The following LONRF2 variants were observed in gnomAD, a reference collection of about 807,000 sequenced individuals.
LONRF2 encodes the protein LON peptidase N-terminal domain and RING finger protein 2.
In LONRF2, 35 loss-of-function variants were observed where a neutral mutation model predicts 66.6. The observed-to-expected ratio is 0.53, with a 90% CI of 0.40 to 0.70. The LOEUF is 0.70. Ranked by LOEUF, LONRF2 falls within the 30% of genes least tolerant of loss-of-function variation. The pLI is 0.00. For missense variants in LONRF2, 902 were observed against 1,002.1 expected (o/e 0.90, Z 1.35); for synonymous variants, 417 against 418.1 (o/e 1.00, Z 0.03).
chr2:100,299,073 T>G, intron 6 of LONRF2, 123 bp from the exon 7 acceptor site: 1 of 873,242 alleles, frequency 1.1e-6, no homozygotes, highest in South Asian at 1.7e-5. Context: ...GCATGCACTT[T>G]CATTTTATAT....
chr2:100,311,263 T>C (rs569861233), intron 1 of LONRF2, among the ~76,000 whole-genome samples: 1 of 152,202 alleles, frequency 6.6e-6, no homozygotes, highest in African/African-American at 2.4e-5. Context: ...AATTCTCCTT[T>C]GGAGATTTCC....
chr2:100,289,323 G>A (rs868077268), intron 10 of LONRF2, among the ~76,000 whole-genome samples: 2 of 152,034 alleles, frequency 1.3e-5, no homozygotes, highest in Non-Finnish European at 2.9e-5. Context: ...TTATTAGCCG[G>A]CCCTTTACAG....
At position 100,308,313 on chromosome 2, in the gene LONRF2, C is replaced by T. The variant is rs188052844; in HGVS notation, c.798+794G>A. On this transcript the variant is annotated intron_variant, in intron 2 of 11. Transcript: ENST00000393437. ...TAGCCTAGGGGACAGAGAGACACTC[C>T]GTCTCAAAAAATAAAATAAAAAAAT... Among the ~76,000 whole-genome samples the T allele has an allele frequency of 3.0e-3, 457 of 151,868 alleles. 2 individuals are homozygous for T. Among genetic ancestry groups the T allele is most frequent in the African/African-American group, 0.011 (437 of 41,412 alleles).
At position 100,321,541 on chromosome 2, in the gene LONRF2, C is replaced by A. The variant is rs561134585; in HGVS notation, c.553G>T (p.Gly185Cys). 39 of 1,550,050 alleles carry A rather than the reference C, an allele frequency of 2.5e-5. No individual in the cohort carries two copies. In the African/African-American group the frequency reaches 5.4e-4, roughly 21 times the overall value. Residue 185 changes from glycine (G) to cysteine (C), a missense_variant, in exon 1 of 12, where the codon GGC (glycine) becomes TGC (cysteine). Transcript: ENST00000393437. ...GCCGGGAAGCACTTCTCCAGCAGGC[C>A]GCTCAGCACCACGTTCACGCGCCGC... ...QVRRVNVVLS[G>C]LLEKCFPAEC...
Position 100,282,660 on chromosome 2 carries a change from G to A in LONRF2, c.*1638C>T, listed in dbSNP as rs1674762794. On this transcript the variant is annotated 3_prime_UTR_variant, in exon 12 of 12. Transcript: ENST00000393437. Reference sequence around the variant, plus strand: ...CTCTTAGAAATCACTTGGCCAAACTGCCATTAAACCATCTCAAGATGATAT... The same window carrying A: ...CTCTTAGAAATCACTTGGCCAAACTACCATTAAACCATCTCAAGATGATAT... The A allele has an allele frequency of 6.6e-6, 1 of 152,166 alleles. No homozygotes were observed. Among genetic ancestry groups the A allele is most frequent in the Non-Finnish European group, 1.5e-5 (1 of 68,030 alleles). 9.4% of individuals were successfully genotyped at this position (152,166 alleles called of 1,614,324 possible).
At chr2:100,306,245 G>T (rs928438376) in intron 2 of LONRF2, among the ~76,000 whole-genome samples, 3 of 150,146 alleles carry the variant, frequency 2.0e-5, no homozygotes, top group African/African-American at 7.4e-5. Flanking sequence ...ATACAAAGTT[G>T]CTAGGGCCCC....
In LONRF2 at chr2:100,284,411, C is replaced by G; in HGVS notation, c.2152G>C (p.Gly718Arg). 2 of 1,605,762 alleles carry G rather than the reference C, an allele frequency of 1.2e-6. No homozygotes were observed. Among genetic ancestry groups the G allele is most frequent in the South Asian group, 1.1e-5 (1 of 88,878 alleles). ...LERKAQLAIL[G>R]MTSLKERLLA... is the part of the protein sequence containing the mutation. ...AGCCGCTCTTTGAGCGAGGTCATGC[C>G]GAGGATGGCCAGCTGAGCCTTGCGC... is the stretch of plus-strand genomic sequence containing the variant. Residue 718 changes from glycine to arginine, a missense_variant, in exon 12 of 12, where the codon GGC (glycine) becomes CGC (arginine). Physicochemically the swap from Gly to Arg is moderately radical, Grantham distance 125. Coordinates refer to ENST00000393437, the MANE Select transcript of LONRF2 (RefSeq NM_198461.4).
intron 8 of LONRF2, among the ~76,000 whole-genome samples, chr2:100,294,855 T>G (rs2105720879): frequency 1.3e-5 from 2 of 152,296 alleles, no homozygotes; most frequent in African/African-American, 4.8e-5. Context: ...AAACTGTGCT[T>G]CACTTTACTC....
rs1276421270 is a variant in LONRF2, at chr2:100,321,772, G to A, written c.322C>T (p.Leu108=). The A allele has an allele frequency of 1.9e-6, 2 of 1,040,872 alleles. No individual in the cohort carries two copies. The highest frequency in any genetic ancestry group is 1.7e-5 in the African/African-American group (1 of 57,952). The allele number at this position is 1,040,872 out of a possible 1,614,324, so 64.5% of individuals were successfully genotyped here. Reference sequence around the variant, plus strand: ...TCCGCGGACAGCGGCCGGTCGCGCAGGCCCACGGCGCGCACCAGGCCGCCC... The same window carrying A: ...TCCGCGGACAGCGGCCGGTCGCGCAAGCCCACGGCGCGCACCAGGCCGCCC... The part of the protein sequence containing the change: ...LAGGLVRAVG[L]RDRPLSAENP... The change falls in exon 1 of 12, where the codon CTG becomes TTG. Residue 108 remains leucine, a synonymous_variant. Transcript: ENST00000393437.
intron 6 of LONRF2, 38 bp downstream of exon 6, chr2:100,299,188 A>G (rs775023228): frequency 1.4e-5 from 20 of 1,431,294 alleles, no homozygotes; most frequent in Non-Finnish European, 1.8e-5. Context: ...GAAAGGCTGC[A>G]GTTTTAAAAG....
Position 100,284,237 on chromosome 2 carries a change from C to T in LONRF2, c.*61G>A. 2.2e-6 allele frequency: 3 copies of T among 1,393,634 alleles called. No individual in the cohort carries two copies. Among genetic ancestry groups the T allele is most frequent in the Non-Finnish European group, 9.5e-7 (1 of 1,052,712 alleles). 86.3% of individuals were successfully genotyped at this position (1,393,634 alleles called of 1,614,324 possible). ...GAAGCACAATGAATGGACGGCTATTCGTCCATGCCTGACATTTATAAAAGC... is the reference window on the plus strand; with the variant it reads ...GAAGCACAATGAATGGACGGCTATTTGTCCATGCCTGACATTTATAAAAGC... On this transcript the variant is annotated 3_prime_UTR_variant, in exon 12 of 12. Transcript: ENST00000393437.
At chr2:100,319,464 C>T (rs1675578560) in intron 1 of LONRF2, among the ~76,000 whole-genome samples, 1 of 152,178 alleles carries the variant, frequency 6.6e-6, no homozygotes, top group Admixed American at 6.5e-5. Context: ...CAGAACATCA[C>T]CACTACCCCA....
chr2:100,285,543 A>C (rs1441882043), intron 11 of LONRF2, among the ~76,000 whole-genome samples: 1 of 152,106 alleles, frequency 6.6e-6, no homozygotes, highest in Non-Finnish European at 1.5e-5. Context: ...TGGCAGAGGG[A>C]ATTGGAGGAT....
At chr2:100,290,470 C>A (rs749368554) in intron 9 of LONRF2, 50 bp from the exon 10 acceptor site, 56 of 1,540,610 alleles carry the variant, frequency 3.6e-5, no homozygotes, top group Non-Finnish European at 4.7e-5. Flanking sequence ...ATGCAGGGGG[C>A]CTTCTTTTTC....
At position 100,282,574 on chromosome 2, in the gene LONRF2, G is replaced by A. The variant is rs1482411006; in HGVS notation, c.*1724C>T. On this transcript the variant is annotated 3_prime_UTR_variant, in exon 12 of 12. Coordinates refer to ENST00000393437, the MANE Select transcript of LONRF2 (RefSeq NM_198461.4). Reference sequence around the variant, plus strand: ...ATTCAGTTATTCCAATCAAATGATCGGGTTAGGTTATAATGCCTAAGAAAG... The same window carrying A: ...ATTCAGTTATTCCAATCAAATGATCAGGTTAGGTTATAATGCCTAAGAAAG... 3 of 152,132 alleles carry A rather than the reference G, an allele frequency of 2.0e-5. No individual in the cohort carries two copies. The highest frequency in any genetic ancestry group is 6.6e-5 in the Admixed American group (1 of 15,264). 9.4% of individuals were successfully genotyped at this position (152,132 alleles called of 1,614,324 possible). A position where few individuals can be genotyped will look rare whatever the true frequency, so the allele number is the denominator to read the frequency against.
intron 11 of LONRF2, among the ~76,000 whole-genome samples, chr2:100,286,367 A>C (rs1425915626): frequency 6.6e-6 from 1 of 152,128 alleles, no homozygotes; most frequent in African/African-American, 2.4e-5. Flanking sequence ...TGAGCTTAGA[A>C]ATGCTCCACA....
chr2:100,296,191 C>CGT (rs138011686), intron 7 of LONRF2, among the ~76,000 whole-genome samples: 10 of 151,616 alleles, frequency 6.6e-5, no homozygotes, highest in African/African-American at 1.5e-4. Flanking sequence ...TACTACTCTG[C>CGT]GTGTGTGTGT....
At position 100,273,420 on chromosome 2, in the gene LONRF2, T is replaced by G. The variant is rs1452738611; in HGVS notation, c.*10878A>C. ...ATTTCTCATCAGTCTAGCCTATTAC[T>G]TAGGTGTGATTATTTATTAAAGAAC... On this transcript the variant is annotated 3_prime_UTR_variant, in exon 12 of 12. Coordinates refer to ENST00000393437, the MANE Select transcript of LONRF2 (RefSeq NM_198461.4). 2 of 152,248 alleles carry G rather than the reference T, an allele frequency of 1.3e-5. No individual in the cohort carries two copies. Among genetic ancestry groups the G allele is most frequent in the Non-Finnish European group, 2.9e-5 (2 of 68,042 alleles). 9.4% of individuals were successfully genotyped at this position (152,248 alleles called of 1,614,324 possible).
In LONRF2 at chr2:100,280,758, G is replaced by A. The variant is rs1324640120; in HGVS notation, c.*3540C>T. 6.6e-6 allele frequency: 1 copy of A among 152,160 alleles called. No homozygotes were observed. The highest frequency in any genetic ancestry group is 1.5e-5 in the Non-Finnish European group (1 of 68,062). 9.4% of individuals were successfully genotyped at this position (152,160 alleles called of 1,614,324 possible). On this transcript the variant is annotated 3_prime_UTR_variant, in exon 12 of 12. Transcript: ENST00000393437. ...ATTGCGCCATTGCACTCCAGCCTGGGTGACAGAGTGAGACCCCATCTCAAA... is the reference window on the plus strand; with the variant it reads ...ATTGCGCCATTGCACTCCAGCCTGGATGACAGAGTGAGACCCCATCTCAAA...
Sources: gnomAD v4.1 joint callset for allele counts (sites outside exome capture counted in the v4.1 genomes callset) on GRCh38, gnomAD v4.1.1 for gene constraint, MANE v1.5 for transcripts, NCBI Gene and HGNC (gene_info 2026-07-23, HGNC 2026-07-21) for gene names.